Variants in TYW1B observed in about 807,000 individuals in gnomAD.
The protein encoded by TYW1B is tRNA-yW synthesizing protein 1 homolog B.
A neutral mutation model predicts 86.9 loss-of-function variants in TYW1B; 73 were observed. The observed-to-expected ratio is 0.84, with a 90% confidence interval of 0.70 to 1.02. The LOEUF (loss-of-function observed/expected upper bound fraction) is 1.02, where lower values mean the gene tolerates loss of function less well. TYW1B is among the 50% of genes least tolerant of loss of function. TYW1B has a pLI of 0.00. For missense variants in TYW1B, 637 were observed against 827.4 expected, an observed-to-expected ratio of 0.77 and a Z score of 2.82; for synonymous variants, 248 against 292.8, an observed-to-expected ratio of 0.85 and a Z score of 1.56.
chr7:72,646,705 T>A (rs1812940316), intron 11 of TYW1B, among the ~76,000 whole-genome samples: 1 of 152,186 alleles, frequency 6.6e-6, no homozygotes, highest in South Asian at 2.1e-4. Flanking sequence ...TATACGGAAG[T>A]ATTCACGGAT....
At position 72,807,254 on chromosome 7, in the gene TYW1B, T is replaced by C. The variant is rs1290035215; in HGVS notation, c.535A>G (p.Ile179Val). Residue 179 changes from isoleucine to valine, a missense_variant, in exon 5 of 14, where the codon ATT becomes GTT. Coordinates refer to ENST00000620995, the MANE Select transcript of TYW1B (RefSeq NM_001145440.3). ...CDVVKSKHGS[I>V]EANFRAWKTK... is the part of the protein sequence containing the mutation. ...TTCCATGCTCTGAAGTTGGCCTCAA[T>C]GCTGCCGTGCTTGCTTTTAACCACG... 4 of 1,614,070 alleles carry C rather than the reference T, an allele frequency of 2.5e-6. No individual in the cohort carries two copies. The highest frequency in any genetic ancestry group is 2.2e-5 in the East Asian group (1 of 44,900).
At chr7:72,608,675 C>A (rs1370228321) in intron 13 of TYW1B, among the ~76,000 whole-genome samples, 1 of 152,158 alleles carries the variant, frequency 6.6e-6, no homozygotes, top group African/African-American at 2.4e-5. Context: ...GGTTGAAGGG[C>A]AAAGGACAGA....
At chr7:72,734,011 C>A (rs1554460413) in intron 8 of TYW1B, among the ~76,000 whole-genome samples, 1 of 152,158 alleles carries the variant, frequency 6.6e-6, no homozygotes. Context: ...GTAATCCCAG[C>A]ACTTTGGGAG....
At chr7:72,722,464 G>C (rs1393683456) in intron 9 of TYW1B, among the ~76,000 whole-genome samples, 3 of 152,160 alleles carry the variant, frequency 2.0e-5, no homozygotes, top group African/African-American at 4.8e-5. Flanking sequence ...TACTTAGAAG[G>C]GGGCAGGCAG....
chr7:72,797,928 A>G (rs1425180420), intron 6 of TYW1B, among the ~76,000 whole-genome samples: 3 of 151,984 alleles, frequency 2.0e-5, no homozygotes. Context: ...GAACTACAGG[A>G]TACCCATTTG....
intron 13 of TYW1B, among the ~76,000 whole-genome samples, chr7:72,613,659 C>G (rs2129568347): frequency 6.6e-6 from 1 of 152,112 alleles, no homozygotes; most frequent in East Asian, 1.9e-4. Flanking sequence ...CTGCCCACCT[C>G]AGCCTTCCTC....
chr7:72,578,433 A>G (rs1554429160), intron 13 of TYW1B, among the ~76,000 whole-genome samples: 3 of 152,006 alleles, frequency 2.0e-5, no homozygotes, highest in Admixed American at 6.6e-5. Flanking sequence ...CCTCTTAACA[A>G]AGCTAGAAGA....
At chr7:72,713,057 C>G (rs1427523843) in intron 10 of TYW1B, among the ~76,000 whole-genome samples, 1 of 151,560 alleles carries the variant, frequency 6.6e-6, no homozygotes, top group East Asian at 1.9e-4. Context: ...CCAGCACTTT[C>G]AGAGGCTGAG....
chr7:72,770,708 C>T (rs1787852328), intron 7 of TYW1B, among the ~76,000 whole-genome samples: 1 of 152,048 alleles, frequency 6.6e-6, no homozygotes, highest in African/African-American at 2.4e-5. Context: ...TTCACAAAGT[C>T]TTGTGAAGAA....
At chr7:72,781,224 TAA>T (rs1212912843) in intron 6 of TYW1B, among the ~76,000 whole-genome samples, 1 of 151,842 alleles carries the variant, frequency 6.6e-6, no homozygotes, top group Non-Finnish European at 1.5e-5. Flanking sequence ...CAATCAGAAC[TAA>T]AAAGTCAACC....
At chr7:72,685,253 A>G (rs1402918933) in intron 11 of TYW1B, among the ~76,000 whole-genome samples, 1 of 152,190 alleles carries the variant, frequency 6.6e-6, no homozygotes, top group Non-Finnish European at 1.5e-5. Context: ...CACTAAAAAA[A>G]AACAAGTGAA....
chr7:72,660,618 A>G (rs1361362778), intron 11 of TYW1B, among the ~76,000 whole-genome samples: 2 of 152,186 alleles, frequency 1.3e-5, no homozygotes, highest in East Asian at 3.8e-4. Context: ...TTATAGATAT[A>G]TTCCTCTATG....
intron 13 of TYW1B, among the ~76,000 whole-genome samples, chr7:72,606,154 G>A (rs1554434799): frequency 6.6e-6 from 1 of 152,072 alleles, no homozygotes; most frequent in Admixed American, 6.6e-5. Flanking sequence ...TCCTGGACTC[G>A]GCTGCAAGCC....
At chr7:72,692,694 A>G (rs1464563640) in intron 11 of TYW1B, among the ~76,000 whole-genome samples, 1 of 152,164 alleles carries the variant, frequency 6.6e-6, no homozygotes, top group Non-Finnish European at 1.5e-5. Flanking sequence ...AGCTAATTGT[A>G]ATCAGAAAAG....
intron 11 of TYW1B, among the ~76,000 whole-genome samples, chr7:72,632,282 CGT>C (rs1471737288): frequency 1.9e-5 from 1 of 52,998 alleles, no homozygotes; most frequent in Non-Finnish European, 3.0e-5. Flanking sequence ...TATATATATA[CGT>C]GTATATATAT....
chr7:72,755,806 A>G (rs1310055373), intron 7 of TYW1B, among the ~76,000 whole-genome samples: 5 of 152,242 alleles, frequency 3.3e-5, no homozygotes, highest in African/African-American at 1.2e-4. Flanking sequence ...AGATTGTACT[A>G]AAAAGATTCA....
intron 6 of TYW1B, among the ~76,000 whole-genome samples, chr7:72,791,333 A>C (rs1463022331): frequency 2.6e-5 from 4 of 151,508 alleles, no homozygotes; most frequent in African/African-American, 9.7e-5. Context: ...GACTCATTAT[A>C]AGTTGCCACT....
chr7:72,731,125 G>GGA (rs1787098615), intron 8 of TYW1B, among the ~76,000 whole-genome samples: 1 of 71,160 alleles, frequency 1.4e-5, no homozygotes, highest in Non-Finnish European at 2.8e-5. Flanking sequence ...CTAAGGGCTG[G>GGA]AAAAAAAAAA....
intron 9 of TYW1B, among the ~76,000 whole-genome samples, chr7:72,719,271 C>T (rs1239251468): frequency 6.6e-6 from 1 of 151,952 alleles, no homozygotes; most frequent in Non-Finnish European, 1.5e-5. Context: ...CCTCTGCCTC[C>T]TCAGGTGCTA....
Sources: allele counts gnomAD v4.1 joint callset (sites outside exome capture counted in the v4.1 genomes callset), GRCh38; gene constraint gnomAD v4.1.1; transcripts MANE v1.5; gene names NCBI Gene and HGNC (gene_info 2026-07-23, HGNC 2026-07-21).